Variants in FRMPD4 observed in about 807,000 individuals in gnomAD.
FRMPD4 encodes the protein FERM and PDZ domain containing 4.
Under a neutral mutation model 94.1 loss-of-function variants are expected in FRMPD4, and 22 were observed. That is an observed-to-expected ratio of 0.23 (90% CI 0.17 to 0.33). FRMPD4 has a LOEUF of 0.33. FRMPD4 is among the 10% of genes least tolerant of loss of function. The probability of loss-of-function intolerance (pLI) is 1.00; values close to 1 mark genes in which losing one functional copy is unlikely to be tolerated. For synonymous variants in FRMPD4, 631 were observed against 548.6 expected (o/e 1.15, Z -2.10); for missense variants, 1,111 against 1,339.9 (o/e 0.83, Z 2.67).
chrX:12,175,517 A>G, intron 1 of FRMPD4, among the ~76,000 whole-genome samples: 1 of 111,671 alleles, frequency 9.0e-6, no homozygotes, highest in South Asian at 3.8e-4. Context: ...TTCAGTACGT[A>G]TTTTTGTTGT....
In FRMPD4 at chrX:12,379,642, CGTGTGTGT is replaced by C. The variant is rs55742933; in HGVS notation, c.42-119003_42-118996del. 2.4e-3 allele frequency among the ~76,000 whole-genome samples: 215 copies of C among 89,969 alleles called. 1 individual carries two copies. The highest frequency in any genetic ancestry group is 7.6e-3 in the African/African-American group (188 of 24,825). The allele number at this position is 89,969 out of a possible 115,157, so 78.1% of individuals were successfully genotyped here. A position where few individuals can be genotyped will look rare whatever the true frequency, so the allele number is the denominator to read the frequency against. ...AATATACATTTTATTGATATGCTGC[CGTGTGTGT>C]GTGTGTGTGTGTGTGTGTGTGTGTG... is the stretch of plus-strand genomic sequence containing the variant. On this transcript the variant is annotated intron_variant, in intron 1 of 16. Coordinates refer to ENST00000675598, the MANE Select transcript of FRMPD4 (RefSeq NM_001368397.1).
intron 1 of FRMPD4, among the ~76,000 whole-genome samples, chrX:12,250,894 T>C (rs1435502936): frequency 9.0e-6 from 1 of 111,393 alleles, no homozygotes; most frequent in African/African-American, 3.3e-5. Context: ...GGCCTTTGCT[T>C]GTAAAGATTC....
At chrX:12,303,963 T>C (rs1206574561) in intron 1 of FRMPD4, among the ~76,000 whole-genome samples, 2 of 112,128 alleles carry the variant, frequency 1.8e-5, no homozygotes, top group African/African-American at 6.5e-5. Flanking sequence ...TGAGAACTCT[T>C]CAAGGTAGAC....
intron 1 of FRMPD4, among the ~76,000 whole-genome samples, chrX:12,339,599 C>A (rs1166665751): frequency 2.7e-5 from 3 of 109,757 alleles, no homozygotes; most frequent in Non-Finnish European, 3.8e-5. Flanking sequence ...ACCACAGCAT[C>A]ATTGGAAAAA....
intron 2 of FRMPD4, among the ~76,000 whole-genome samples, chrX:11,875,307 C>A (rs147776848): frequency 0.03 from 3,349 of 111,876 alleles, 62 homozygotes; most frequent in African/African-American, 0.074. Context: ...TCATTTAATT[C>A]TTTCATATTT....
At chrX:12,705,107 T>A (rs867636135) in intron 11 of FRMPD4, among the ~76,000 whole-genome samples, 1 of 112,107 alleles carries the variant, frequency 8.9e-6, no homozygotes, top group African/African-American at 3.2e-5. Flanking sequence ...ATCACCCCTA[T>A]TGACAAACAA....
intron 1 of FRMPD4, among the ~76,000 whole-genome samples, chrX:12,349,869 T>G (rs925094347): frequency 3.6e-5 from 4 of 111,712 alleles, no homozygotes; most frequent in African/African-American, 6.5e-5. Flanking sequence ...AGATACTGCC[T>G]AAAATGAATA....
At chrX:11,899,881 T>C (rs1411185600) in intron 3 of FRMPD4, among the ~76,000 whole-genome samples, 3 of 112,623 alleles carry the variant, frequency 2.7e-5, no homozygotes, top group Non-Finnish European at 5.6e-5. Flanking sequence ...TCCATACTTC[T>C]GAACAATGTT....
At chrX:12,297,234 A>C (rs963685110) in intron 1 of FRMPD4, among the ~76,000 whole-genome samples, 2 of 112,800 alleles carry the variant, frequency 1.8e-5, no homozygotes, top group African/African-American at 6.4e-5. Context: ...ACAATGTTTG[A>C]GATGGCTTTT....
chrX:12,155,850 T>C (rs1237077096), intron 1 of FRMPD4, among the ~76,000 whole-genome samples: 2 of 111,472 alleles, frequency 1.8e-5, no homozygotes, highest in African/African-American at 6.5e-5. Flanking sequence ...CCACCTGTTT[T>C]TTTAAAATAA....
intron 1 of FRMPD4, among the ~76,000 whole-genome samples, chrX:12,428,306 G>A (rs1202956993): frequency 1.8e-5 from 2 of 110,840 alleles, no homozygotes; most frequent in African/African-American, 6.6e-5. Flanking sequence ...GAACTGTTTT[G>A]GTTTTATAAT....
chrX:12,332,517 A>T (rs948202241), intron 1 of FRMPD4, among the ~76,000 whole-genome samples: 9 of 110,398 alleles, frequency 8.2e-5, no homozygotes, highest in African/African-American at 2.9e-4. Flanking sequence ...ATGAAATGCA[A>T]ATACTTACTG....
chrX:12,583,005 A>C (rs748283207), intron 2 of FRMPD4, among the ~76,000 whole-genome samples: 12 of 111,940 alleles, frequency 1.1e-4, no homozygotes, highest in Middle Eastern at 4.6e-3. Flanking sequence ...CCCACCATCC[A>C]ACTGATCCTT....
At chrX:11,848,594 G>T (rs1202153087) in intron 1 of FRMPD4, among the ~76,000 whole-genome samples, 1 of 106,755 alleles carries the variant, frequency 9.4e-6, no homozygotes, top group Non-Finnish European at 1.9e-5. Context: ...TGGGTGGTTT[G>T]GGCCCACTTC....
intron 1 of FRMPD4, among the ~76,000 whole-genome samples, chrX:11,828,195 T>G (rs994986702): frequency 1.8e-5 from 2 of 112,151 alleles, no homozygotes; most frequent in African/African-American, 6.5e-5. Context: ...CTAGAAATCT[T>G]GCTTGTAGCT....
chrX:12,633,504 G>C (rs762245129), intron 4 of FRMPD4, among the ~76,000 whole-genome samples: 1 of 111,971 alleles, frequency 8.9e-6, no homozygotes, highest in Admixed American at 9.5e-5. Context: ...ACCTGGGCGA[G>C]GGGGAAAATG....
intron 2 of FRMPD4, among the ~76,000 whole-genome samples, chrX:11,876,723 G>A (rs977873887): frequency 6.3e-5 from 7 of 111,983 alleles, no homozygotes; most frequent in African/African-American, 1.6e-4. Flanking sequence ...CATATGAGTC[G>A]TATGTTTCAC....
intron 1 of FRMPD4, among the ~76,000 whole-genome samples, chrX:12,344,259 G>A (rs2055665296): frequency 8.9e-6 from 1 of 111,766 alleles, no homozygotes; most frequent in African/African-American, 3.3e-5. Context: ...TGAAGGTCTT[G>A]AGGTCTTCGG....
intron 1 of FRMPD4, among the ~76,000 whole-genome samples, chrX:12,469,248 TTTTG>T (rs1048470709): frequency 1.2e-4 from 13 of 110,990 alleles, no homozygotes; most frequent in Middle Eastern, 4.6e-3. Flanking sequence ...TTTTTTGGTT[TTTTG>T]TTTGTTTGTT....
Sources: allele counts gnomAD v4.1 joint callset (sites outside exome capture counted in the v4.1 genomes callset), GRCh38; gene constraint gnomAD v4.1.1; transcripts MANE v1.5; gene names NCBI Gene and HGNC (gene_info 2026-07-23, HGNC 2026-07-21).